The following CTRC variants were observed in gnomAD, a reference collection of about 807,000 sequenced individuals.
CTRC encodes the protein chymotrypsin C.
CTRC carries 32 observed loss-of-function variants against 35.7 expected under a neutral mutation model. The observed-to-expected ratio is 0.90, with a 90% CI of 0.68 to 1.20. The LOEUF is 1.20. Ranked by LOEUF, CTRC falls within the 50% of genes most tolerant of loss-of-function variation. The probability of loss-of-function intolerance (pLI) is 0.00; values close to 1 mark genes in which losing one functional copy is unlikely to be tolerated. For synonymous variants in CTRC, 119 were observed against 149.5 expected (o/e 0.80, Z 1.49); for missense variants, 324 against 361.5 (o/e 0.90, Z 0.84).
rs1708244568 is a variant in CTRC, at chr1:15,447,930, G to C, written c.*1341G>C. 2 of 152,208 alleles carry C rather than the reference G, an allele frequency of 1.3e-5. No individual in the cohort carries two copies. Among genetic ancestry groups the C allele is most frequent in the African/African-American group, 4.8e-5 (2 of 41,428 alleles). 9.4% of individuals were successfully genotyped at this position (152,208 alleles called of 1,614,324 possible). A position where few individuals can be genotyped will look rare whatever the true frequency, so the allele number is the denominator to read the frequency against. On this transcript the variant is annotated 3_prime_UTR_variant, in exon 8 of 8. Transcript: ENST00000375949. Reference sequence around the variant, plus strand: ...ATGGGGGTACCCCAGCTGTGCAGGAGACAGACCAGTAAATAGATCATTAAA... The same window carrying C: ...ATGGGGGTACCCCAGCTGTGCAGGACACAGACCAGTAAATAGATCATTAAA...
chr1:15,444,400 C>T (rs902257164), intron 5 of CTRC, among the ~76,000 whole-genome samples: 3 of 152,162 alleles, frequency 2.0e-5, no homozygotes, highest in African/African-American at 7.2e-5. Flanking sequence ...CAACTCAACA[C>T]TGTAGCTTCC....
At chr1:15,438,614 T>G in intron 1 of CTRC, 110 bp downstream of exon 1, 1 of 1,258,958 alleles carries the variant, frequency 7.9e-7, no homozygotes, top group Non-Finnish European at 1.1e-6. Context: ...TAAGACACTT[T>G]GGGGTCCCCT....
At chr1:15,443,656 GTCT>G in intron 5 of CTRC, 101 bp downstream of exon 5, 1 of 1,433,294 alleles carries the variant, frequency 7.0e-7, no homozygotes, top group Non-Finnish European at 9.8e-7. Flanking sequence ...ACATTTTCAT[GTCT>G]TTGTAAACTT....
intron 7 of CTRC, 104 bp downstream of exon 7, chr1:15,445,853 T>C (rs1708210904): frequency 7.4e-7 from 1 of 1,356,952 alleles, no homozygotes; most frequent in South Asian, 1.2e-5. Flanking sequence ...CATTCATTCA[T>C]TTATTCACTC....
rs199736095 is a variant in CTRC at position 15,443,564 on chromosome 1, C to T, written c.493+9C>T. 7 of 1,614,186 alleles carry T rather than the reference C, an allele frequency of 4.3e-6. No individual in the cohort carries two copies. The Admixed American group carries it at 1.0e-4, about 23-fold the overall frequency. The stretch of plus-strand genomic sequence containing the variant: ...CTGGGGCCGCCTCTGGAGTGAGTAT[C>T]GTCCCTGGCAAATCCTGAGAGCCTT... On this transcript the variant is annotated intron_variant, in intron 5 of 7. Coordinates refer to ENST00000375949, the MANE Select transcript of CTRC (RefSeq NM_007272.3).
intron 7 of CTRC, 128 bp downstream of exon 7, chr1:15,445,877 TTCAC>T (rs1708211554): frequency 5.4e-6 from 6 of 1,111,506 alleles, no homozygotes; most frequent in Non-Finnish European, 8.1e-6. Flanking sequence ...CATGCATTTA[TTCAC>T]TCATTCATGC....
At chr1:15,439,573 C>G (rs770652990) in intron 1 of CTRC, among the ~76,000 whole-genome samples, 2 of 152,184 alleles carry the variant, frequency 1.3e-5, no homozygotes, top group Non-Finnish European at 2.9e-5. Flanking sequence ...TTTGAGTCCA[C>G]GTCTGTCTCG....
At position 15,440,341 on chromosome 1, in the gene CTRC, G is replaced by T; in HGVS notation, c.82G>T (p.Ala28Ser). 2 of 1,603,692 alleles carry T rather than the reference G, an allele frequency of 1.2e-6. No individual in the cohort carries two copies. Among genetic ancestry groups the T allele is most frequent in the Non-Finnish European group, 1.7e-6 (2 of 1,175,698 alleles). Residue 28 changes from alanine (A) to serine (S), a missense_variant, in exon 2 of 8, where the codon GCC becomes TCC. Coordinates refer to ENST00000375949, the MANE Select transcript of CTRC (RefSeq NM_007272.3). ...GVPSFPPNLS[A>S]RVVGGEDARP... ...GCCCAGCTTCCCGCCCAACCTATCC[G>T]CCCGAGTGGTGGGAGGAGAGGATGC...
chr1:15,441,811 C>G (rs1439697531), intron 3 of CTRC, among the ~76,000 whole-genome samples: 1 of 151,560 alleles, frequency 6.6e-6, no homozygotes, highest in Non-Finnish European at 1.5e-5. Flanking sequence ...GTAGCTGGGT[C>G]TATAAGCACA....
chr1:15,439,012 G>A (rs1708082516), intron 1 of CTRC, among the ~76,000 whole-genome samples: 1 of 152,158 alleles, frequency 6.6e-6, no homozygotes. Flanking sequence ...AGTCCTTCCA[G>A]CTAACAACAA....
At chr1:15,444,106 A>G (rs566252863) in intron 5 of CTRC, among the ~76,000 whole-genome samples, 3 of 152,054 alleles carry the variant, frequency 2.0e-5, no homozygotes, top group Non-Finnish European at 4.4e-5. Flanking sequence ...AAAATTTTTA[A>G]ATAGCAGTGT....
At chr1:15,441,607 A>AT (rs1708133279) in intron 3 of CTRC, among the ~76,000 whole-genome samples, 1 of 151,940 alleles carries the variant, frequency 6.6e-6, no homozygotes, top group Admixed American at 6.6e-5. Flanking sequence ...GGGCTGACAT[A>AT]TTTTTATATA....
At position 15,448,395 on chromosome 1, in the gene CTRC, G is replaced by A. The variant is rs1708251715; in HGVS notation, c.*1806G>A. 6.7e-6 allele frequency: 1 copy of A among 150,332 alleles called. No individual in the cohort carries two copies. Among genetic ancestry groups the A allele is most frequent in the Non-Finnish European group, 1.5e-5 (1 of 67,824 alleles). The allele number at this position is 150,332 out of a possible 1,614,324, so 9.3% of individuals were successfully genotyped here. On this transcript the variant is annotated 3_prime_UTR_variant, in exon 8 of 8. Transcript: ENST00000375949. The stretch of plus-strand genomic sequence containing the variant: ...GCTCTCTCACCTGGGCTGTAGTGCA[G>A]TGGTGCCATCTCGGCTCACTGCAAG...
At chr1:15,440,245 T>TCCC in intron 1 of CTRC, 55 bp from the exon 2 acceptor site, 1 of 439,654 alleles carries the variant, frequency 2.3e-6, no homozygotes, top group South Asian at 1.6e-5. Context: ...CCCACCCCTT[T>TCCC]CCCCGTGGGC....
In CTRC at chr1:15,441,694, CT is replaced by C. The variant is rs769249738; in HGVS notation, c.231-740del. ...TTTCATTTTATATATTTCATATACA[CT>C]TTTTTTTTTTTTGGTAGAGACAGAG... On this transcript the variant is annotated intron_variant, in intron 3 of 7. Coordinates refer to ENST00000375949, the MANE Select transcript of CTRC (RefSeq NM_007272.3). Among the ~76,000 whole-genome samples, 462 of 142,894 alleles carry C rather than the reference CT, an allele frequency of 3.2e-3. 2 individuals carry two copies. The highest frequency in any genetic ancestry group is 7.3e-3 in the Middle Eastern group (2 of 274). The allele number at this position is 142,894 out of a possible 152,430, so 93.7% of individuals were successfully genotyped here.
At chr1:15,439,768 T>A (rs2103288842) in intron 1 of CTRC, among the ~76,000 whole-genome samples, 1 of 152,134 alleles carries the variant, frequency 6.6e-6, no homozygotes, top group Non-Finnish European at 1.5e-5. Flanking sequence ...TGAGATGGAG[T>A]TTTGCTCTTA....
rs1311634140 is a variant in CTRC, at chr1:15,443,404, C to T, written c.357-15C>T. Reference sequence around the variant, plus strand: ...GGCCCTCCTGCCCACTCACCCTCTCCACTTTGGATTCCAGCAATGATATTG... The same window carrying T: ...GGCCCTCCTGCCCACTCACCCTCTCTACTTTGGATTCCAGCAATGATATTG... On this transcript the variant is annotated splice_polypyrimidine_tract_variant and intron_variant, in intron 4 of 7. Coordinates refer to ENST00000375949, the MANE Select transcript of CTRC (RefSeq NM_007272.3). The T allele has an allele frequency of 6.2e-7, 1 of 1,614,116 alleles. No individual in the cohort carries two copies. The highest frequency in any genetic ancestry group is 1.3e-5 in the African/African-American group (1 of 74,948).
At chr1:15,440,624 C>T (rs757180999) in intron 3 of CTRC, 34 bp downstream of exon 3, 33 of 1,595,092 alleles carry the variant, frequency 2.1e-5, no homozygotes, top group Non-Finnish European at 2.7e-5. Context: ...ACCTGGCCAT[C>T]GTCCGGGGGC....
At chr1:15,440,948 C>T (rs1001052445) in intron 3 of CTRC, among the ~76,000 whole-genome samples, 6 of 152,188 alleles carry the variant, frequency 3.9e-5, no homozygotes, top group Non-Finnish European at 7.4e-5. Context: ...GGGAGGCCGA[C>T]GCAGGCGGAT....
Sources: gnomAD v4.1 joint callset for allele counts (sites outside exome capture counted in the v4.1 genomes callset) on GRCh38, gnomAD v4.1.1 for gene constraint, MANE v1.5 for transcripts, NCBI Gene and HGNC (gene_info 2026-07-23, HGNC 2026-07-21) for gene names.